Variants in GALNTL6 observed in about 807,000 individuals in gnomAD.
GALNTL6 encodes the protein polypeptide N-acetylgalactosaminyltransferase-like 6.
A neutral mutation model predicts 73.7 loss-of-function variants in GALNTL6; 46 were observed. That is an observed-to-expected ratio of 0.62 (90% CI 0.49 to 0.80). The LOEUF (loss-of-function observed/expected upper bound fraction) is 0.80, where lower values mean the gene tolerates loss of function less well. Among genes scored for constraint, GALNTL6 ranks in the 30% least tolerant of loss-of-function variants. GALNTL6 has a pLI of 0.00. For missense variants in GALNTL6, 604 were observed against 755.0 expected, an observed-to-expected ratio of 0.80 and a Z score of 2.34; for synonymous variants, 259 against 263.7, an observed-to-expected ratio of 0.98 and a Z score of 0.17.
chr4:172,549,408 T>A (rs2110895076), intron 5 of GALNTL6, among the ~76,000 whole-genome samples: 1 of 152,348 alleles, frequency 6.6e-6, no homozygotes, highest in African/African-American at 2.4e-5. Flanking sequence ...AACGTGTGCC[T>A]TTTGACCTAA....
intron 5 of GALNTL6, among the ~76,000 whole-genome samples, chr4:172,654,270 G>A (rs753647699): frequency 6.6e-6 from 1 of 152,168 alleles, no homozygotes; most frequent in African/African-American, 2.4e-5. Flanking sequence ...CCGTGGCTGT[G>A]CACTGTAAGT....
intron 2 of GALNTL6, among the ~76,000 whole-genome samples, chr4:171,903,002 AC>A (rs1246854468): frequency 6.6e-6 from 1 of 152,178 alleles, no homozygotes; most frequent in Non-Finnish European, 1.5e-5. Flanking sequence ...TACAATCATT[AC>A]AGCTATTCAT....
intron 5 of GALNTL6, among the ~76,000 whole-genome samples, chr4:172,544,230 T>A (rs1189681322): frequency 6.6e-6 from 1 of 151,956 alleles, no homozygotes; most frequent in Non-Finnish European, 1.5e-5. Context: ...TTTCCATGTC[T>A]CCTTGCCTCT....
At chr4:172,253,075 C>T (rs539823562) in intron 3 of GALNTL6, among the ~76,000 whole-genome samples, 26 of 151,556 alleles carry the variant, frequency 1.7e-4, no homozygotes, top group South Asian at 1.5e-3. Flanking sequence ...GTCTAAAAAG[C>T]GGGATGATAA....
Position 171,850,447 on chromosome 4 carries a change from G to A in GALNTL6, c.138+35729G>A, listed in dbSNP as rs116407450. Among the ~76,000 whole-genome samples, 1,226 of 152,278 alleles carry A rather than the reference G, an allele frequency of 8.1e-3. 16 individuals are homozygous for A. The highest frequency in any genetic ancestry group is 0.023 in the African/African-American group (965 of 41,548). On this transcript the variant is annotated intron_variant, in intron 2 of 12. Transcript: ENST00000506823. ...TATGGCTTGTGGAACAGGGGCTGGA[G>A]CGCAGTTAATCAGCATCTGGTGGGA...
At chr4:171,847,925 C>T (rs1259956268) in intron 2 of GALNTL6, among the ~76,000 whole-genome samples, 1 of 152,188 alleles carries the variant, frequency 6.6e-6, no homozygotes, top group Non-Finnish European at 1.5e-5. Flanking sequence ...ATTACCTTCT[C>T]CCATGAATCA....
intron 2 of GALNTL6, among the ~76,000 whole-genome samples, chr4:172,170,438 A>G (rs868706301): frequency 1.4e-4 from 21 of 151,220 alleles, no homozygotes; most frequent in African/African-American, 5.1e-4. Context: ...TTCCCCAGCC[A>G]TATGGAACTG....
At chr4:172,308,976 T>C (rs753787492) in intron 3 of GALNTL6, among the ~76,000 whole-genome samples, 2 of 152,216 alleles carry the variant, frequency 1.3e-5, no homozygotes, top group Non-Finnish European at 2.9e-5. Flanking sequence ...AGCTGTTATA[T>C]ACATGAAATT....
intron 4 of GALNTL6, among the ~76,000 whole-genome samples, chr4:172,341,438 G>A (rs1014668386): frequency 1.6e-5 from 2 of 121,222 alleles, no homozygotes; most frequent in African/African-American, 3.3e-5. Context: ...GCGACAGAGC[G>A]AGACTCCGTC....
At chr4:172,728,182 C>T (rs1242808140) in intron 5 of GALNTL6, among the ~76,000 whole-genome samples, 1 of 152,166 alleles carries the variant, frequency 6.6e-6, no homozygotes, top group African/African-American at 2.4e-5. Context: ...AGGCGTCAGC[C>T]ACCAAGCCCG....
intron 5 of GALNTL6, among the ~76,000 whole-genome samples, chr4:172,786,899 G>A (rs539537828): frequency 1.4e-4 from 21 of 152,146 alleles, no homozygotes; most frequent in African/African-American, 4.8e-4. Context: ...GTCAAGTTTC[G>A]GTAATTTATC....
At chr4:172,380,911 G>T (rs1426882993) in intron 5 of GALNTL6, among the ~76,000 whole-genome samples, 1 of 152,088 alleles carries the variant, frequency 6.6e-6, no homozygotes, top group Non-Finnish European at 1.5e-5. Context: ...TTTGTACTGT[G>T]TGAAAATAAA....
intron 2 of GALNTL6, among the ~76,000 whole-genome samples, chr4:172,127,275 TC>T (rs1704389190): frequency 6.6e-6 from 1 of 152,176 alleles, no homozygotes; most frequent in Admixed American, 6.5e-5. Flanking sequence ...ACGCGGCCAC[TC>T]CATCTGAGAG....
At chr4:172,219,199 G>GTGTATATATATATATATATATA (rs1310041553) in intron 2 of GALNTL6, among the ~76,000 whole-genome samples, 2 of 116,206 alleles carry the variant, frequency 1.7e-5, no homozygotes, top group Non-Finnish European at 3.6e-5. Context: ...TTAAGCAAGT[G>GTGTATATATATATATATATATA]TATATATATA....
chr4:172,953,185 G>A (rs1010614169), intron 10 of GALNTL6, among the ~76,000 whole-genome samples: 3 of 152,118 alleles, frequency 2.0e-5, no homozygotes, highest in Non-Finnish European at 4.4e-5. Flanking sequence ...ATAGCCCCAG[G>A]TCCCAAATTT....
intron 3 of GALNTL6, among the ~76,000 whole-genome samples, chr4:172,258,544 A>G (rs1188074023): frequency 6.6e-6 from 1 of 151,300 alleles, no homozygotes; most frequent in Non-Finnish European, 1.5e-5. Flanking sequence ...TCCAGTTTAT[A>G]TATATCAGGT....
chr4:171,819,043 T>G (rs1734612137), intron 2 of GALNTL6, among the ~76,000 whole-genome samples: 1 of 152,034 alleles, frequency 6.6e-6, no homozygotes, highest in African/African-American at 2.4e-5. Flanking sequence ...AAAATTTATG[T>G]CTGTGTTCCT....
At chr4:171,946,953 A>C (rs1157808270) in intron 2 of GALNTL6, among the ~76,000 whole-genome samples, 1 of 152,030 alleles carries the variant, frequency 6.6e-6, no homozygotes, top group Non-Finnish European at 1.5e-5. Context: ...AGGAAGTGAA[A>C]ATGTCTTGTT....
intron 5 of GALNTL6, among the ~76,000 whole-genome samples, chr4:172,361,545 T>C (rs988510332): frequency 6.6e-6 from 1 of 152,130 alleles, no homozygotes; most frequent in African/African-American, 2.4e-5. Context: ...GGATTCTGGG[T>C]CTGTACTTAG....
Sources: allele counts gnomAD v4.1 joint callset (sites outside exome capture counted in the v4.1 genomes callset), GRCh38; gene constraint gnomAD v4.1.1; transcripts MANE v1.5; gene names NCBI Gene and HGNC (gene_info 2026-07-23, HGNC 2026-07-21).